Variants in EFEMP1 observed in about 807,000 individuals in gnomAD.
EFEMP1 encodes EGF-containing fibulin-like extracellular matrix protein 1.
A neutral mutation model predicts 65.7 loss-of-function variants in EFEMP1; 18 were observed. The observed-to-expected ratio is 0.27, with a 90% CI of 0.19 to 0.41. EFEMP1 has a LOEUF of 0.41. Among genes scored for constraint, EFEMP1 ranks in the 10% least tolerant of loss-of-function variants. EFEMP1 has a pLI of 1.00. For synonymous variants in EFEMP1, 237 were observed against 219.7 expected, an observed-to-expected ratio of 1.08 and a Z score of -0.70; for missense variants, 469 against 624.8, an observed-to-expected ratio of 0.75 and a Z score of 2.66.
intron 5 of EFEMP1, among the ~76,000 whole-genome samples, chr2:55,915,121 T>C (rs2104448352): frequency 6.6e-6 from 1 of 152,356 alleles, no homozygotes; most frequent in East Asian, 1.9e-4. Context: ...TCCACATTTA[T>C]GGGCACTTTG....
chr2:55,876,481 A>G, intron 8 of EFEMP1, 142 bp downstream of exon 8: 1 of 1,186,606 alleles, frequency 8.4e-7, no homozygotes, highest in Non-Finnish European at 1.2e-6. Flanking sequence ...AGGCAATGTA[A>G]CAACTGAACT....
At chr2:55,890,696 CCCATGGTTTA>C (rs1385254597) in intron 5 of EFEMP1, among the ~76,000 whole-genome samples, 1 of 151,976 alleles carries the variant, frequency 6.6e-6, no homozygotes, top group African/African-American at 2.4e-5. Flanking sequence ...TTCACAACAA[CCCATGGTTTA>C]AAGATAGCTA....
In EFEMP1 at chr2:55,882,660, T is replaced by C. The variant is rs1478119610; in HGVS notation, c.518-926A>G. Among the ~76,000 whole-genome samples the C allele has an allele frequency of 2.0e-5, 3 of 152,244 alleles. No homozygotes were observed. The East Asian group carries it at 5.8e-4, about 29-fold the overall frequency. On this transcript the variant is annotated intron_variant, in intron 5 of 11. Transcript: ENST00000355426. ...GGCTCTCCTATATCATGAAGTTAAG[T>C]AGTACACAAAAAAGGATCATATAAT...
At chr2:55,889,474 A>G (rs1222370924) in intron 5 of EFEMP1, among the ~76,000 whole-genome samples, 1 of 152,110 alleles carries the variant, frequency 6.6e-6, no homozygotes, top group African/African-American at 2.4e-5. Context: ...CTTTCTGCGC[A>G]ATGTTTCTCC....
At position 55,888,337 on chromosome 2, in the gene EFEMP1, T is replaced by C. The variant is rs1365078699; in HGVS notation, c.518-6603A>G. On this transcript the variant is annotated intron_variant, in intron 5 of 11. Coordinates refer to ENST00000355426, the MANE Select transcript of EFEMP1 (RefSeq NM_001039348.3). The stretch of plus-strand genomic sequence containing the variant: ...CTCTTTTTTTTTCCTTCTTAAACTT[T>C]TTTTTTTTTTTTTTTTTTGAGATGG... 1.6e-4 allele frequency among the ~76,000 whole-genome samples: 16 copies of C among 98,588 alleles called. No individual in the cohort carries two copies. In the East Asian group the frequency reaches 0.031, roughly 193 times the overall value. 64.7% of individuals were successfully genotyped at this position (98,588 alleles called of 152,430 possible).
rs1366978986 is a variant in EFEMP1, at chr2:55,919,586, A to G, written c.82-1319T>C. Among the ~76,000 whole-genome samples, 1 of 152,246 alleles carries G rather than the reference A, an allele frequency of 6.6e-6. No homozygotes were observed. The highest frequency in any genetic ancestry group is 1.5e-5 in the Non-Finnish European group (1 of 68,038). ...AAGGAAGAAGCCCAAGGAAGGATTG[A>G]GCAAAAGTGGAGTAAACAAACAAAT... On this transcript the variant is annotated intron_variant, in intron 3 of 11. Transcript: ENST00000355426. The surrounding 1 kb of genome is among the most constrained non-coding windows in gnomAD (Gnocchi z 4.5).
In EFEMP1 at chr2:55,918,263, C is replaced by A; in HGVS notation, c.86G>T (p.Cys29Phe). ...AGGATCCCACTCATATCCGTCAGTG[C>A]ATTGCTGTGAAGAAAACATCAAAGG... ...DTEETITYTQ[C>F]TDGYEWDPVR... The change falls in exon 4 of 12, where the codon TGC (cysteine) becomes TTC (phenylalanine). Residue 29 changes from cysteine (C) to phenylalanine (F), a missense_variant. Physicochemically the swap from Cys to Phe is radical, Grantham distance 205. Coordinates refer to ENST00000355426, the MANE Select transcript of EFEMP1 (RefSeq NM_001039348.3). 1 of 1,614,182 alleles carries A rather than the reference C, an allele frequency of 6.2e-7. No homozygotes were observed. The highest frequency in any genetic ancestry group is 8.5e-7 in the Non-Finnish European group (1 of 1,180,030).
chr2:55,903,391 T>C (rs976411969), intron 5 of EFEMP1, among the ~76,000 whole-genome samples: 5 of 152,334 alleles, frequency 3.3e-5, no homozygotes, highest in Admixed American at 6.5e-5. Context: ...CTGCAGAAAG[T>C]AGAAGATGAA....
chr2:55,901,767 G>T (rs1468601692), intron 5 of EFEMP1, among the ~76,000 whole-genome samples: 1 of 152,104 alleles, frequency 6.6e-6, no homozygotes, highest in East Asian at 1.9e-4. Flanking sequence ...TGTTTCCAAC[G>T]AACAGTATAT....
rs1029744314 is a variant in EFEMP1, at chr2:55,891,714, C to T, written c.518-9980G>A. 5.9e-5 allele frequency among the ~76,000 whole-genome samples: 9 copies of T among 152,070 alleles called. No homozygotes were observed. In the East Asian group the frequency reaches 9.7e-4, roughly 16 times the overall value. On this transcript the variant is annotated intron_variant, in intron 5 of 11. Transcript: ENST00000355426. ...TCTTCCTTGAGCAGGAAAACAGTTA[C>T]GAAATTTTAGACTCATTATTTCTTG...
Position 55,922,596 on chromosome 2 carries a change from T to C in EFEMP1, c.-7-149A>G. On this transcript the variant is annotated intron_variant, in intron 2 of 11. Coordinates refer to ENST00000355426, the MANE Select transcript of EFEMP1 (RefSeq NM_001039348.3). The surrounding 1 kb of genome is among the most constrained non-coding windows in gnomAD (Gnocchi z 5.5). Reference sequence around the variant, plus strand: ...TTCCAATCTGCTTTCTCATCTCCCCTCCCCCTCCTGAACCTTCTCGGTAGC... The same window carrying C: ...TTCCAATCTGCTTTCTCATCTCCCCCCCCCCTCCTGAACCTTCTCGGTAGC... 1 of 742,458 alleles carries C rather than the reference T, an allele frequency of 1.3e-6. No individual in the cohort carries two copies. The highest frequency in any genetic ancestry group is 2.3e-6 in the Non-Finnish European group (1 of 436,678). 46.0% of individuals were successfully genotyped at this position (742,458 alleles called of 1,614,324 possible).
intron 5 of EFEMP1, among the ~76,000 whole-genome samples, chr2:55,890,272 A>G (rs967485624): frequency 6.6e-6 from 1 of 152,064 alleles, no homozygotes; most frequent in Non-Finnish European, 1.5e-5. Flanking sequence ...TTTACCAGGA[A>G]TATGTAGAAA....
At position 55,918,035 on chromosome 2, in the gene EFEMP1, G is replaced by C. The variant is rs1304330535; in HGVS notation, c.147C>G (p.Asp49Glu). 6.2e-7 allele frequency: 1 copy of C among 1,614,206 alleles called. No homozygotes were observed. Among genetic ancestry groups the C allele is most frequent in the East Asian group, 2.2e-5 (1 of 44,890 alleles). ...CACCTTTACAAGCGTCTGGGACAAT[G>C]TCACATTCATCAATATCTGTGGTCA... ...RQQCKDIDEC[D>E]IVPDACKGGM... Residue 49 changes from aspartate to glutamate, a missense_variant, in exon 5 of 12, where the codon GAC becomes GAG. Physicochemically the swap from Asp to Glu is conservative, Grantham distance 45. Coordinates refer to ENST00000355426, the MANE Select transcript of EFEMP1 (RefSeq NM_001039348.3).
chr2:55,903,202 C>A (rs895234763), intron 5 of EFEMP1, among the ~76,000 whole-genome samples: 2 of 152,146 alleles, frequency 1.3e-5, no homozygotes, highest in Non-Finnish European at 2.9e-5. Context: ...TAAAAACATT[C>A]CACTACAGGA....
At position 55,917,729 on chromosome 2, in the gene EFEMP1, G is replaced by C. The variant is rs1670754256; in HGVS notation, c.453C>G (p.Ser151=). 6.2e-7 allele frequency: 1 copy of C among 1,614,208 alleles called. No individual in the cohort carries two copies. The highest frequency in any genetic ancestry group is 1.7e-5 in the Admixed American group (1 of 60,022). ...CACACTGGATACGGTGGGAAGGGTT[G>C]GAGGGAATGCGCTGAGGGTCAGCTG... is the stretch of plus-strand genomic sequence containing the variant. The part of the protein sequence containing the change: ...RNPADPQRIP[S]NPSHRIQCAA... Residue 151 remains serine (S), a synonymous_variant, in exon 5 of 12, where the codon TCC becomes TCG. Coordinates refer to ENST00000355426, the MANE Select transcript of EFEMP1 (RefSeq NM_001039348.3). The surrounding 1 kb of genome is among the most constrained non-coding windows in gnomAD (Gnocchi z 6.3).
Position 55,871,580 on chromosome 2 carries a change from G to A in EFEMP1, c.1001-457C>T, listed in dbSNP as rs1668811095. On this transcript the variant is annotated intron_variant, in intron 9 of 11. Coordinates refer to ENST00000355426, the MANE Select transcript of EFEMP1 (RefSeq NM_001039348.3). This position sits in a 1 kb window ranked among gnomAD's most constrained non-coding sequence, Gnocchi z 4.2. ...GGGGGATTAGGGAAGGCTGAAGGAAGGAAGAGGCATCTCAACGTGGCCTTG... is the reference window on the plus strand; with the variant it reads ...GGGGGATTAGGGAAGGCTGAAGGAAAGAAGAGGCATCTCAACGTGGCCTTG... Among the ~76,000 whole-genome samples the A allele has an allele frequency of 6.6e-6, 1 of 152,070 alleles. No individual in the cohort carries two copies. Among genetic ancestry groups the A allele is most frequent in the South Asian group, 2.1e-4 (1 of 4,826 alleles).
chr2:55,916,894 C>T (rs1217026599), intron 5 of EFEMP1, among the ~76,000 whole-genome samples: 1 of 152,226 alleles, frequency 6.6e-6, no homozygotes, highest in Non-Finnish European at 1.5e-5. Context: ...TACGAGCCTA[C>T]AGCTGTTTCT....
In EFEMP1 at chr2:55,917,890, T is replaced by C. The variant is rs1572850949; in HGVS notation, c.292A>G (p.Thr98Ala). 6.2e-7 allele frequency: 1 copy of C among 1,614,230 alleles called. No individual in the cohort carries two copies. The highest frequency in any genetic ancestry group is 8.5e-7 in the Non-Finnish European group (1 of 1,180,048). The change falls in exon 5 of 12, where the codon ACC becomes GCC. Residue 98 changes from threonine (T) to alanine (A), a missense_variant. By Grantham distance (58) the Thr-to-Ala change is moderately conservative. Transcript: ENST00000355426. The surrounding 1 kb of genome is among the most constrained non-coding windows in gnomAD (Gnocchi z 6.3). ...TQPAEGTSGA[T>A]TGVVAASSMA... Reference sequence around the variant, plus strand: ...CTGCTGGCAGCTACAACCCCGGTGGTTGCCCCTGAGGTTCCTTCTGCTGGT... The same window carrying C: ...CTGCTGGCAGCTACAACCCCGGTGGCTGCCCCTGAGGTTCCTTCTGCTGGT...
At chr2:55,890,317 A>C (rs1263384283) in intron 5 of EFEMP1, among the ~76,000 whole-genome samples, 2 of 152,094 alleles carry the variant, frequency 1.3e-5, no homozygotes, top group African/African-American at 4.8e-5. Context: ...ATATAGGCTC[A>C]GTATAGACAA....
Sources: gnomAD v4.1 joint callset for allele counts (sites outside exome capture counted in the v4.1 genomes callset) on GRCh38, gnomAD v4.1.1 for gene constraint, Gnocchi (gnomAD v3.1) non-coding constraint, MANE v1.5 for transcripts, NCBI Gene and HGNC (gene_info 2026-07-23, HGNC 2026-07-21) for gene names.